Variants in SKI observed in about 807,000 individuals in gnomAD.
SKI encodes the protein SKI proto-oncogene.
A neutral mutation model predicts 59.3 loss-of-function variants in SKI; 23 were observed. The ratio of observed to expected loss-of-function variants is 0.39; its 90% CI spans 0.28 to 0.55. SKI has a LOEUF of 0.55. SKI is among the 20% of genes least tolerant of loss of function. The probability of loss-of-function intolerance (pLI) is 0.67; values close to 1 mark genes in which losing one functional copy is unlikely to be tolerated. For synonymous variants in SKI, 673 were observed against 488.6 expected (o/e 1.38, Z -4.98); for missense variants, 1,017 against 1,038.9 (o/e 0.98, Z 0.29).
intron 1 of SKI, among the ~76,000 whole-genome samples, chr1:2,275,753 C>T (rs1188174982): frequency 6.6e-6 from 1 of 152,178 alleles, no homozygotes; most frequent in East Asian, 1.9e-4. Context: ...ACCTTGTGAT[C>T]CACCCACCTC....
In SKI at chr1:2,268,697, G is replaced by T. The variant is rs1342086318; in HGVS notation, c.970-34281G>T. 2.0e-5 allele frequency among the ~76,000 whole-genome samples: 3 copies of T among 152,168 alleles called. No homozygotes were observed. Among genetic ancestry groups the T allele is most frequent in the Non-Finnish European group, 4.4e-5 (3 of 68,028 alleles). On this transcript the variant is annotated intron_variant, in intron 1 of 6. Transcript: ENST00000378536. This position sits in a 1 kb window ranked among gnomAD's most constrained non-coding sequence, Gnocchi z 5.0. The stretch of plus-strand genomic sequence containing the variant: ...CTTGGAGTCTTTTTCTGGCCTGTGA[G>T]GGCTGCAGAGCAGCGTGCCCAGGGG...
intron 1 of SKI, 113 bp from the exon 2 acceptor site, chr1:2,302,865 C>T (rs571878217): frequency 2.6e-5 from 36 of 1,400,252 alleles, no homozygotes; most frequent in African/African-American, 2.4e-4. Context: ...CACTCAGGGT[C>T]GTTTGTGGCC....
At position 2,304,099 on chromosome 1, in the gene SKI, G is replaced by A; in HGVS notation, c.1471G>A (p.Glu491Lys). The A allele has an allele frequency of 6.2e-7, 1 of 1,612,500 alleles. No homozygotes were observed. The highest frequency in any genetic ancestry group is 8.5e-7 in the Non-Finnish European group (1 of 1,179,856). ...GGAGGTGGAAGTTGAAAGCAGGGAG[G>A]AATGTACGTGTGAGTCGCTTTCTGT... ...EAEVEVESRE[E>K]FTSSLSSLSS... The change falls in exon 4 of 7, where the codon GAA (glutamate) becomes AAA (lysine). Residue 491 changes from glutamate to lysine, a missense_variant. Transcript: ENST00000378536.
chr1:2,304,323 C>T lies in SKI; in HGVS notation c.1505C>T (p.Pro502Leu), dbSNP rs1057520161. The change falls in exon 5 of 7, where the codon CCG becomes CTG. Residue 502 changes from proline (P) to leucine (L), a missense_variant. Coordinates refer to ENST00000378536, the MANE Select transcript of SKI (RefSeq NM_003036.4). Reference sequence around the variant, plus strand: ...TCCTCCTTGTCCTCGCTCTCTTCCCCGTCCTTTACCTCATCCAGCTCCGCC... The same window carrying T: ...TCCTCCTTGTCCTCGCTCTCTTCCCTGTCCTTTACCTCATCCAGCTCCGCC... ...FTSSLSSLSS[P>L]SFTSSSSAKD... 31 of 1,551,562 alleles carry T rather than the reference C, an allele frequency of 2.0e-5. 1 individual carries two copies. The highest frequency in any genetic ancestry group is 5.9e-5 in the South Asian group (5 of 84,078).
chr1:2,288,556 C>T (rs530649525), intron 1 of SKI, among the ~76,000 whole-genome samples: 14 of 152,338 alleles, frequency 9.2e-5, no homozygotes, highest in African/African-American at 3.4e-4. Flanking sequence ...TGTCTTTGCT[C>T]GTGCGTGCAC....
In SKI at chr1:2,228,795, GTTTCCAGCC is replaced by G; in HGVS notation, c.30_38del (p.Cys10_Pro13delinsTrp). ...GAGGCGGCGGCAGGCGGCCGCGGCT[GTTTCCAGCC>G]GCACCCGGGGCTGCAGAAGACGCTG... On this transcript the variant is annotated inframe_deletion, in exon 1 of 7. Coordinates refer to ENST00000378536, the MANE Select transcript of SKI (RefSeq NM_003036.4). 2.3e-6 allele frequency: 3 copies of G among 1,331,746 alleles called. No individual in the cohort carries two copies. Among genetic ancestry groups the G allele is most frequent in the Non-Finnish European group, 2.9e-6 (3 of 1,028,832 alleles). The allele number at this position is 1,331,746 out of a possible 1,614,324, so 82.5% of individuals were successfully genotyped here. A position where few individuals can be genotyped will look rare whatever the true frequency, so the allele number is the denominator to read the frequency against.
intron 1 of SKI, among the ~76,000 whole-genome samples, chr1:2,283,611 T>A (rs2100878889): frequency 6.6e-6 from 1 of 152,310 alleles, no homozygotes; most frequent in South Asian, 2.1e-4. Context: ...GTCTCCATGT[T>A]CAGGACAGGC....
intron 1 of SKI, among the ~76,000 whole-genome samples, chr1:2,245,185 G>T (rs568801378): frequency 6.6e-6 from 1 of 152,202 alleles, no homozygotes; most frequent in East Asian, 1.9e-4. Flanking sequence ...AATCGCACAG[G>T]ATCTGTCCTT....
At chr1:2,292,578 A>C (rs1291925401) in intron 1 of SKI, among the ~76,000 whole-genome samples, 1 of 152,170 alleles carries the variant, frequency 6.6e-6, no homozygotes, top group Non-Finnish European at 1.5e-5. Flanking sequence ...GCTCTGATGG[A>C]GGGGTGTGTA....
At chr1:2,265,180 C>G (rs542465296) in intron 1 of SKI, among the ~76,000 whole-genome samples, 5 of 152,288 alleles carry the variant, frequency 3.3e-5, no homozygotes, top group Middle Eastern at 3.4e-3. Context: ...TTTCCCCGTG[C>G]CGCATGTGTT....
intron 1 of SKI, among the ~76,000 whole-genome samples, chr1:2,275,332 A>C (rs974284610): frequency 2.0e-5 from 3 of 152,006 alleles, no homozygotes; most frequent in Non-Finnish European, 2.9e-5. Flanking sequence ...CACAGGGAGG[A>C]GGCTTCCTGT....
chr1:2,286,642 G>A (rs1485205626), intron 1 of SKI, among the ~76,000 whole-genome samples: 1 of 152,240 alleles, frequency 6.6e-6, no homozygotes, highest in Non-Finnish European at 1.5e-5. Flanking sequence ...TGCCCAAAAT[G>A]AACCTGGCTG....
At chr1:2,246,236 G>A (rs1202732061) in intron 1 of SKI, among the ~76,000 whole-genome samples, 1 of 152,164 alleles carries the variant, frequency 6.6e-6, no homozygotes, top group Non-Finnish European at 1.5e-5. Flanking sequence ...CCTAATGGGT[G>A]TGAGGTGGCA....
chr1:2,258,968 G>A (rs192604500), intron 1 of SKI, among the ~76,000 whole-genome samples: 1 of 152,184 alleles, frequency 6.6e-6, no homozygotes. Flanking sequence ...TCATCACTTG[G>A]CCGGTTTTCT....
chr1:2,303,009 C>G lies in SKI; in HGVS notation c.1001C>G (p.Pro334Arg). The G allele has an allele frequency of 6.2e-7, 1 of 1,613,708 alleles. No homozygotes were observed. Among genetic ancestry groups the G allele is most frequent in the Non-Finnish European group, 8.5e-7 (1 of 1,180,018 alleles). The change falls in exon 2 of 7, where the codon CCC becomes CGC. Residue 334 changes from proline (P) to arginine (R), a missense_variant. By Grantham distance (103) the Pro-to-Arg change is moderately radical (BLOSUM62 -2). Transcript: ENST00000378536. The surrounding 1 kb of genome is among the most constrained non-coding windows in gnomAD (Gnocchi z 5.6). ...VSSEPPASIR[P>R]KTDDTSSQSP... The stretch of plus-strand genomic sequence containing the variant: ...TCTGAGCCTCCGGCCTCCATAAGAC[C>G]CAAAACAGATGACACCTCTTCCCAG...
At chr1:2,295,913 G>A (rs1640274329) in intron 1 of SKI, among the ~76,000 whole-genome samples, 2 of 152,208 alleles carry the variant, frequency 1.3e-5, no homozygotes, top group Non-Finnish European at 2.9e-5. Context: ...TCGTGTGGAT[G>A]TGTGTTTTCA....
At chr1:2,271,873 C>T (rs926637194) in intron 1 of SKI, among the ~76,000 whole-genome samples, 1 of 152,218 alleles carries the variant, frequency 6.6e-6, no homozygotes, top group East Asian at 1.9e-4. Flanking sequence ...GGAGGATTGG[C>T]TGGTGATGCT....
rs574569241 is a variant in SKI, at chr1:2,309,317, A to G, written c.*2552A>G. 1 of 152,168 alleles carries G rather than the reference A, an allele frequency of 6.6e-6. No homozygotes were observed. The allele number at this position is 152,168 out of a possible 1,614,324, so 9.4% of individuals were successfully genotyped here. ...TTGTGTATTCAGTTTAATTCTCATT[A>G]TATTTCTATACTGAAAGAAGATTTT... On this transcript the variant is annotated 3_prime_UTR_variant, in exon 7 of 7. Coordinates refer to ENST00000378536, the MANE Select transcript of SKI (RefSeq NM_003036.4).
At position 2,229,024 on chromosome 1, in the gene SKI, G is replaced by A; in HGVS notation, c.258G>A (p.Leu86=). ...CCATCCAGCCGCCGCCGCCCGTGCT[G>A]CCCGGGCCCTTCTTCATGCCGTCCG... is the stretch of plus-strand genomic sequence containing the variant. The part of the protein sequence containing the change: ...LPAIQPPPPV[L]PGPFFMPSDR... The change falls in exon 1 of 7, where the codon CTG becomes CTA. Residue 86 remains leucine (L), a synonymous_variant. Coordinates refer to ENST00000378536, the MANE Select transcript of SKI (RefSeq NM_003036.4). This position sits in a 1 kb window ranked among gnomAD's most constrained non-coding sequence, Gnocchi z 6.3. 2 of 1,596,346 alleles carry A rather than the reference G, an allele frequency of 1.3e-6. No homozygotes were observed. Among genetic ancestry groups the A allele is most frequent in the East Asian group, 2.3e-5 (1 of 44,384 alleles).
Sources: gnomAD v4.1 joint callset for allele counts (sites outside exome capture counted in the v4.1 genomes callset) on GRCh38, gnomAD v4.1.1 for gene constraint, Gnocchi (gnomAD v3.1) non-coding constraint, MANE v1.5 for transcripts, NCBI Gene and HGNC (gene_info 2026-07-23, HGNC 2026-07-21) for gene names.